Variants in MYOM1 observed in about 807,000 individuals in gnomAD.
The protein encoded by MYOM1 is myomesin-1.
MYOM1 carries 164 observed loss-of-function variants against 205.3 expected under a neutral mutation model. The ratio of observed to expected loss-of-function variants is 0.80; its 90% CI spans 0.70 to 0.91. The LOEUF (loss-of-function observed/expected upper bound fraction) is 0.91. MYOM1 is among the 40% of genes least tolerant of loss of function. MYOM1 has a pLI of 0.00. For synonymous variants in MYOM1, 772 were observed against 789.4 expected (o/e 0.98, Z 0.37); for missense variants, 2,011 against 2,127.3 (o/e 0.95, Z 1.08).
intron 19 of MYOM1, among the ~76,000 whole-genome samples, chr18:3,122,022 G>A (rs1352134121): frequency 6.6e-6 from 1 of 152,178 alleles, no homozygotes; most frequent in Non-Finnish European, 1.5e-5. Context: ...GGGAGGCTGA[G>A]GCACGGGAAT....
chr18:3,118,929 G>A (rs985685347), intron 20 of MYOM1, among the ~76,000 whole-genome samples: 4 of 152,142 alleles, frequency 2.6e-5, no homozygotes, highest in African/African-American at 4.8e-5. Context: ...CAAAGGCAAC[G>A]TGATGGTCTT....
chr18:3,196,682 G>A (rs1057313304), intron 2 of MYOM1, among the ~76,000 whole-genome samples: 1 of 152,122 alleles, frequency 6.6e-6, no homozygotes. Context: ...AATTATGCTA[G>A]TCCTTGTTAA....
Position 3,151,880 on chromosome 18 carries a change from T to C in MYOM1, c.1657A>G (p.Thr553Ala), listed in dbSNP as rs762659554. The change falls in exon 12 of 38, where the codon ACA becomes GCA. Residue 553 changes from threonine (T) to alanine (A), a missense_variant. Coordinates refer to ENST00000356443, the MANE Select transcript of MYOM1 (RefSeq NM_003803.4). ...GYFIDKCEVG[T>A]DSWSQCNDTP... is the part of the protein sequence containing the mutation. ...TCATTGCACTGCGACCAGCTATCTG[T>C]GCCCACCTCACACCTAAAGGAATGA... 1.2e-6 allele frequency: 2 copies of C among 1,612,464 alleles called. No homozygotes were observed. The highest frequency in any genetic ancestry group is 1.7e-6 in the Non-Finnish European group (2 of 1,178,890).
chr18:3,090,545 G>A (rs1326699480), intron 27 of MYOM1, 113 bp downstream of exon 27: 2 of 1,366,152 alleles, frequency 1.5e-6, no homozygotes, highest in East Asian at 4.6e-5. Flanking sequence ...AACATTAGAA[G>A]TCAATTAAGA....
chr18:3,178,471 G>C, intron 5 of MYOM1, among the ~76,000 whole-genome samples: 1 of 152,150 alleles, frequency 6.6e-6, no homozygotes, highest in Non-Finnish European at 1.5e-5. Context: ...TTGTGGACAC[G>C]ATCATAAGGA....
chr18:3,147,185 A>T (rs959494457), intron 13 of MYOM1, among the ~76,000 whole-genome samples: 2 of 138,388 alleles, frequency 1.4e-5, no homozygotes, highest in African/African-American at 5.1e-5. Context: ...AAAGTCAGAT[A>T]CTCTAACTTT....
chr18:3,108,240 C>G (rs1358214849), intron 22 of MYOM1, among the ~76,000 whole-genome samples: 1 of 152,192 alleles, frequency 6.6e-6, no homozygotes, highest in Non-Finnish European at 1.5e-5. Context: ...ATGCTGCAGT[C>G]GCAGTGGATT....
rs538759353 is a variant in MYOM1, at chr18:3,188,940, A to C, written c.579T>G (p.Ser193=). 1 of 1,610,230 alleles carries C rather than the reference A, an allele frequency of 6.2e-7. No homozygotes were observed. Among genetic ancestry groups the C allele is most frequent in the Non-Finnish European group, 8.5e-7 (1 of 1,178,678 alleles). ...QSTASKQTTA[S]KQSTASKQST... ...ACTGCTTGGATGCCGTGGACTGCTTAGATGCCGTGGTCTGCTTGGATGCCG... is the reference window on the plus strand; with the variant it reads ...ACTGCTTGGATGCCGTGGACTGCTTCGATGCCGTGGTCTGCTTGGATGCCG... Residue 193 remains serine (S), a synonymous_variant, in exon 4 of 38, where the codon TCT becomes TCG. Transcript: ENST00000356443.
At chr18:3,200,200 CCAAAAAA>C (rs2081047838) in intron 2 of MYOM1, among the ~76,000 whole-genome samples, 2 of 151,888 alleles carry the variant, frequency 1.3e-5, no homozygotes, top group East Asian at 1.9e-4. Context: ...ACAAAAAAAC[CCAAAAAA>C]CAAAAAACAA....
chr18:3,162,231 G>T (rs2144039957), intron 10 of MYOM1, among the ~76,000 whole-genome samples: 1 of 152,254 alleles, frequency 6.6e-6, no homozygotes, highest in South Asian at 2.1e-4. Flanking sequence ...AGGGGAGCAT[G>T]ACTGATATGC....
At position 3,126,854 on chromosome 18, in the gene MYOM1, A is replaced by G; in HGVS notation, c.2838T>C (p.Phe946=). 1 of 1,613,054 alleles carries G rather than the reference A, an allele frequency of 6.2e-7. No individual in the cohort carries two copies. Among genetic ancestry groups the G allele is most frequent in the Non-Finnish European group, 8.5e-7 (1 of 1,179,534 alleles). The change falls in exon 19 of 38, where the codon TTT becomes TTC. Residue 946 remains phenylalanine, a synonymous_variant. Transcript: ENST00000356443. ...PPCDITCLES[F]RDSMVLGWKQ... ...TCCATCCAAGAACCATTGAGTCACG[A>G]AAACTTTCAAGACAGGTGATATCAC...
In MYOM1 at chr18:3,176,115, T is replaced by C. The variant is rs868248992; in HGVS notation, c.949A>G (p.Ile317Val). The change falls in exon 6 of 38, where the codon ATA becomes GTA. Residue 317 changes from isoleucine (I) to valine (V), a missense_variant. Physicochemically the swap from Ile to Val is conservative, Grantham distance 29 (BLOSUM62 3). Coordinates refer to ENST00000356443, the MANE Select transcript of MYOM1 (RefSeq NM_003803.4). ...TTTCCAGGGTTTGCATGGACATTTA[T>C]TGGCACCTGGTTTTTATACCTATAA... ...RVTWYKNQVP[I>V]NVHANPGKYI... The C allele has an allele frequency of 4.4e-6, 7 of 1,608,508 alleles. No individual in the cohort carries two copies. In the Admixed American group the frequency reaches 1.2e-4, roughly 27 times the overall value.
At chr18:3,167,877 T>C (rs1348308270) in intron 9 of MYOM1, among the ~76,000 whole-genome samples, 3 of 152,244 alleles carry the variant, frequency 2.0e-5, no homozygotes, top group African/African-American at 7.2e-5. Context: ...CAAACTATCA[T>C]GGCTCTAGGC....
At chr18:3,100,802 T>C (rs994307198) in intron 23 of MYOM1, among the ~76,000 whole-genome samples, 7 of 152,222 alleles carry the variant, frequency 4.6e-5, no homozygotes, top group Admixed American at 2.0e-4. Flanking sequence ...GCCTCTCCTA[T>C]GCCATCTCCT....
chr18:3,115,736 A>G (rs554329226), intron 21 of MYOM1, among the ~76,000 whole-genome samples: 10 of 152,340 alleles, frequency 6.6e-5, no homozygotes, highest in African/African-American at 2.4e-4. Context: ...GCTATGGCAG[A>G]ACAGTCTTTG....
chr18:3,158,487 T>C (rs192802347), intron 10 of MYOM1, among the ~76,000 whole-genome samples: 1 of 152,320 alleles, frequency 6.6e-6, no homozygotes, highest in Non-Finnish European at 1.5e-5. Flanking sequence ...CTGAGAAAAG[T>C]TGAACAAATT....
rs370799876 is a variant in MYOM1 at position 3,143,620 on chromosome 18, G to A, written c.1901-1557C>T. Among the ~76,000 whole-genome samples the A allele has an allele frequency of 2.7e-4, 41 of 152,262 alleles. 1 individual carries two copies. In the South Asian group the frequency reaches 7.7e-3, roughly 28 times the overall value. On this transcript the variant is annotated intron_variant, in intron 13 of 37. Transcript: ENST00000356443. The stretch of plus-strand genomic sequence containing the variant: ...GGGAAATGGAATAATACTGTTGCAG[G>A]ACAGGCACGATGGCTCATGCCTGTA...
rs367903122 is a variant in MYOM1, at chr18:3,154,984, C to G, written c.1606G>C (p.Asp536His). Residue 536 changes from aspartate to histidine, a missense_variant, in exon 11 of 38, where the codon GAT (aspartate) becomes CAT (histidine). By Grantham distance (81) the Asp-to-His change is moderately conservative (BLOSUM62 -1). Coordinates refer to ENST00000356443, the MANE Select transcript of MYOM1 (RefSeq NM_003803.4). The part of the protein sequence containing the change: ...IIISWKQPAV[D>H]GGSPILGYFI... ...TATCCGAGAATAGGACTCCCTCCAT[C>G]GACAGCTGGCTGTTTCCAGGAGATG... The G allele has an allele frequency of 6.2e-7, 1 of 1,612,842 alleles. No individual in the cohort carries two copies. The highest frequency in any genetic ancestry group is 8.5e-7 in the Non-Finnish European group (1 of 1,179,390).
intron 25 of MYOM1, among the ~76,000 whole-genome samples, chr18:3,098,897 C>A (rs368267801): frequency 2.0e-5 from 3 of 152,198 alleles, no homozygotes; most frequent in Non-Finnish European, 4.4e-5. Flanking sequence ...TAGAAGTCTG[C>A]GCCCTACAGT....
Sources: allele counts gnomAD v4.1 joint callset (sites outside exome capture counted in the v4.1 genomes callset), GRCh38; gene constraint gnomAD v4.1.1; transcripts MANE v1.5; gene names NCBI Gene and HGNC (gene_info 2026-07-23, HGNC 2026-07-21).